The following KCNIP4 variants were observed in gnomAD, a reference collection of about 807,000 sequenced individuals.
The protein encoded by KCNIP4 is potassium voltage-gated channel interacting protein 4.
In KCNIP4, 12 loss-of-function variants were observed where a neutral mutation model predicts 34.0. The ratio of observed to expected loss-of-function variants is 0.35; its 90% CI spans 0.23 to 0.57. The LOEUF (loss-of-function observed/expected upper bound fraction) is 0.57, where lower values mean the gene tolerates loss of function less well. Ranked by LOEUF, KCNIP4 falls within the 20% of genes least tolerant of loss-of-function variation. The pLI is 0.83. For missense variants in KCNIP4, 238 were observed against 311.7 expected (o/e 0.76, Z 1.78); for synonymous variants, 124 against 102.2 (o/e 1.21, Z -1.29).
At position 21,657,521 on chromosome 4, in the gene KCNIP4, A is replaced by T. The variant is rs534205347; in HGVS notation, c.61+291050T>A. Among the ~76,000 whole-genome samples the T allele has an allele frequency of 4.6e-5, 7 of 152,360 alleles. 1 individual carries two copies. The South Asian group carries it at 1.4e-3, about 32-fold the overall frequency. ...GCTAAGATAGTGCTGAAGTCATAAT[A>T]GGCACTGAGGTACTCATTATTTGAT... On this transcript the variant is annotated intron_variant, in intron 1 of 8. Coordinates refer to ENST00000382152, the MANE Select transcript of KCNIP4 (RefSeq NM_025221.6).
intron 1 of KCNIP4, among the ~76,000 whole-genome samples, chr4:21,584,291 A>C (rs1741452057): frequency 6.6e-6 from 1 of 152,060 alleles, no homozygotes; most frequent in African/African-American, 2.4e-5. Flanking sequence ...TCCCTTTTGA[A>C]AACAAAATTA....
chr4:20,782,330 G>T (rs1392806714), intron 3 of KCNIP4, among the ~76,000 whole-genome samples: 1 of 152,128 alleles, frequency 6.6e-6, no homozygotes, highest in Non-Finnish European at 1.5e-5. Context: ...ACTAAGTGGT[G>T]TCCCAGTAGG....
intron 1 of KCNIP4, among the ~76,000 whole-genome samples, chr4:21,904,727 A>G (rs1257383183): frequency 6.6e-6 from 1 of 152,130 alleles, no homozygotes; most frequent in African/African-American, 2.4e-5. Flanking sequence ...ATTTTGGATG[A>G]AATCATTTTT....
chr4:21,203,447 C>T (rs1756634353), intron 1 of KCNIP4, among the ~76,000 whole-genome samples: 1 of 152,194 alleles, frequency 6.6e-6, no homozygotes, highest in African/African-American at 2.4e-5. Flanking sequence ...TATTCGTAAT[C>T]TACAAGGCAA....
Position 21,948,696 on chromosome 4 carries a change from G to A in KCNIP4, c.-65C>T, listed in dbSNP as rs1475329121. ...CACCGGCCAGGGGCGTCTGTCCACG[G>A]GTCTGCACGGGAGCGCACCGCCGCT... On this transcript the variant is annotated 5_prime_UTR_variant, in exon 1 of 9. Transcript: ENST00000382152. 1.9e-6 allele frequency: 3 copies of A among 1,539,190 alleles called. No individual in the cohort carries two copies. The highest frequency in any genetic ancestry group is 1.9e-5 in the Admixed American group (1 of 54,028).
At chr4:21,937,963 T>C (rs991292395) in intron 1 of KCNIP4, among the ~76,000 whole-genome samples, 13 of 152,148 alleles carry the variant, frequency 8.5e-5, no homozygotes, top group African/African-American at 3.1e-4. Context: ...GTAGTTTTCA[T>C]ACTGCATCAC....
At chr4:21,185,492 TCTC>T (rs1373644026) in intron 1 of KCNIP4, among the ~76,000 whole-genome samples, 1 of 151,750 alleles carries the variant, frequency 6.6e-6, no homozygotes, top group Non-Finnish European at 1.5e-5. Flanking sequence ...CCCCTCCTCT[TCTC>T]CTTTTTCTCT....
At chr4:20,936,709 T>C (rs2149610712) in intron 1 of KCNIP4, among the ~76,000 whole-genome samples, 1 of 150,768 alleles carries the variant, frequency 6.6e-6, no homozygotes, top group African/African-American at 2.5e-5. Flanking sequence ...CCTGAGCTCA[T>C]CCACAAGCAA....
chr4:21,003,161 C>T (rs1354405990), intron 1 of KCNIP4, among the ~76,000 whole-genome samples: 1 of 152,260 alleles, frequency 6.6e-6, no homozygotes, highest in Non-Finnish European at 1.5e-5. Context: ...GGAAACAGAG[C>T]TTATGTCACT....
At chr4:21,794,110 A>C (rs7656061) in intron 1 of KCNIP4, among the ~76,000 whole-genome samples, 145,775 of 152,110 alleles carry the variant, frequency 0.96, 70,123 homozygotes, top group East Asian at 1. Context: ...ACATCACACA[A>C]TGGGGCCTGT....
At chr4:20,744,970 G>A (rs957218838) in intron 5 of KCNIP4, among the ~76,000 whole-genome samples, 5 of 152,002 alleles carry the variant, frequency 3.3e-5, no homozygotes, top group African/African-American at 4.8e-5. Flanking sequence ...CCCTTTGGCC[G>A]GACAACTGGA....
intron 1 of KCNIP4, among the ~76,000 whole-genome samples, chr4:20,933,315 G>A (rs904808741): frequency 1.3e-5 from 2 of 152,076 alleles, no homozygotes; most frequent in South Asian, 2.1e-4. Context: ...TTTATGAAAT[G>A]TCTAGTAAAC....
intron 1 of KCNIP4, among the ~76,000 whole-genome samples, chr4:21,342,149 G>T (rs62294096): frequency 0.031 from 4,649 of 152,132 alleles, 102 homozygotes; most frequent in Non-Finnish European, 0.044. Context: ...GACAAGGCAC[G>T]GGGTAGGAAG....
intron 1 of KCNIP4, among the ~76,000 whole-genome samples, chr4:21,910,969 A>T (rs553679350): frequency 1.6e-3 from 238 of 152,312 alleles, no homozygotes; most frequent in Admixed American, 2.7e-3. Flanking sequence ...TTCATTTTTT[A>T]AAATAGCTAT....
At chr4:21,442,975 T>G (rs1039590260) in intron 1 of KCNIP4, among the ~76,000 whole-genome samples, 1 of 152,180 alleles carries the variant, frequency 6.6e-6, no homozygotes, top group African/African-American at 2.4e-5. Context: ...TAATGGCAAA[T>G]TCCTTCTTTC....
chr4:21,883,705 T>A (rs1047012707), intron 1 of KCNIP4, among the ~76,000 whole-genome samples: 1 of 152,162 alleles, frequency 6.6e-6, no homozygotes, highest in African/African-American at 2.4e-5. Context: ...ACATTCTGTA[T>A]CTTTTTTCGG....
intron 5 of KCNIP4, among the ~76,000 whole-genome samples, chr4:20,740,553 T>C (rs934178729): frequency 6.6e-6 from 1 of 152,138 alleles, no homozygotes; most frequent in Non-Finnish European, 1.5e-5. Flanking sequence ...CAGGCCTGCC[T>C]TACAAGAGCT....
intron 1 of KCNIP4, among the ~76,000 whole-genome samples, chr4:20,959,725 C>T (rs1339267048): frequency 6.6e-6 from 1 of 152,086 alleles, no homozygotes; most frequent in Non-Finnish European, 1.5e-5. Context: ...CACCTTGAAC[C>T]CTTCAACACA....
intron 1 of KCNIP4, among the ~76,000 whole-genome samples, chr4:21,401,960 C>T (rs1032132768): frequency 6.6e-6 from 1 of 152,140 alleles, no homozygotes; most frequent in Non-Finnish European, 1.5e-5. Context: ...TTTGACTTTT[C>T]CCTGAAGCAC....
Sources: gnomAD v4.1 joint callset for allele counts (sites outside exome capture counted in the v4.1 genomes callset) on GRCh38, gnomAD v4.1.1 for gene constraint, MANE v1.5 for transcripts, NCBI Gene and HGNC (gene_info 2026-07-23, HGNC 2026-07-21) for gene names.